CDH13: variants seen among roughly 807,000 people sequenced by gnomAD.
CDH13 encodes the protein cadherin-13.
In CDH13, 24 loss-of-function variants were observed where a neutral mutation model predicts 63.8. The ratio of observed to expected loss-of-function variants is 0.38; its 90% CI spans 0.27 to 0.53. The LOEUF is 0.53. CDH13 is among the 20% of genes least tolerant of loss of function. The pLI, the probability that CDH13 is intolerant of heterozygous loss-of-function variation, is 0.85. For synonymous variants in CDH13, 503 were observed against 355.3 expected, an observed-to-expected ratio of 1.42 and a Z score of -4.67; for missense variants, 1,049 against 903.1, an observed-to-expected ratio of 1.16 and a Z score of -2.07.
chr16:83,408,492 C>G (rs2092080320), intron 6 of CDH13, among the ~76,000 whole-genome samples: 1 of 152,018 alleles, frequency 6.6e-6, no homozygotes, highest in African/African-American at 2.4e-5. Flanking sequence ...ATACTGTAAA[C>G]AATTATAACA....
intron 4 of CDH13, among the ~76,000 whole-genome samples, chr16:83,146,781 A>T (rs535658339): frequency 1.3e-5 from 2 of 152,334 alleles, no homozygotes; most frequent in South Asian, 4.1e-4. Flanking sequence ...TGTTCAAAGT[A>T]TTATTTTAAA....
chr16:83,052,978 C>T (rs1040005545), intron 3 of CDH13, among the ~76,000 whole-genome samples: 3 of 151,938 alleles, frequency 2.0e-5, no homozygotes, highest in African/African-American at 7.3e-5. Flanking sequence ...GTGAAAGAGG[C>T]AATGCAGTGA....
intron 1 of CDH13, among the ~76,000 whole-genome samples, chr16:82,677,993 T>G (rs2150956058): frequency 6.6e-6 from 1 of 152,320 alleles, no homozygotes; most frequent in Admixed American, 6.5e-5. Flanking sequence ...GTTGCAAATC[T>G]AGCATAATTT....
intron 11 of CDH13, among the ~76,000 whole-genome samples, chr16:83,770,130 C>A (rs1331448253): frequency 6.6e-6 from 1 of 152,130 alleles, no homozygotes; most frequent in Non-Finnish European, 1.5e-5. Context: ...GCCAGGAGAA[C>A]CACGCGTGGC....
At chr16:82,978,629 C>A (rs1909847724) in intron 2 of CDH13, among the ~76,000 whole-genome samples, 1 of 152,252 alleles carries the variant, frequency 6.6e-6, no homozygotes, top group Non-Finnish European at 1.5e-5. Flanking sequence ...GTTGAGCCTG[C>A]AGGTACACAG....
At position 82,809,313 on chromosome 16, in the gene CDH13, CAA is replaced by C. The variant is rs34233977; in HGVS notation, c.46-49038_46-49037del. Among the ~76,000 whole-genome samples, 71 of 149,256 alleles carry C rather than the reference CAA, an allele frequency of 4.8e-4. 1 individual carries two copies. The highest frequency in any genetic ancestry group is 4.5e-3 in the East Asian group (23 of 5,124). The stretch of plus-strand genomic sequence containing the variant: ...GACCACCTCTCAAGTTATTTACGTC[CAA>C]AAAAAAAAAATCACTGTAAATGAAA... On this transcript the variant is annotated intron_variant, in intron 1 of 13. Transcript: ENST00000567109.
intron 8 of CDH13, among the ~76,000 whole-genome samples, chr16:83,644,591 C>A (rs1250739089): frequency 6.6e-6 from 1 of 152,198 alleles, no homozygotes; most frequent in Non-Finnish European, 1.5e-5. Context: ...TTTGTCATCC[C>A]TCAGTTACGC....
intron 2 of CDH13, among the ~76,000 whole-genome samples, chr16:82,977,091 C>T (rs925423272): frequency 2.0e-5 from 3 of 152,194 alleles, no homozygotes; most frequent in African/African-American, 4.8e-5. Flanking sequence ...CTCTGGAATA[C>T]ACTTTACAAA....
At chr16:82,840,354 A>G (rs1331252796) in intron 1 of CDH13, among the ~76,000 whole-genome samples, 43 of 150,976 alleles carry the variant, frequency 2.8e-4, no homozygotes. Context: ...AAGTGGGCTA[A>G]AGAGGGAGGG....
intron 1 of CDH13, among the ~76,000 whole-genome samples, chr16:82,649,436 T>G (rs140462425): frequency 1.5e-3 from 222 of 152,256 alleles, no homozygotes; most frequent in African/African-American, 5.2e-3. Flanking sequence ...GCAGATAGTC[T>G]TAGGCAGTGA....
intron 3 of CDH13, among the ~76,000 whole-genome samples, chr16:83,054,896 T>C (rs1262388463): frequency 6.6e-6 from 1 of 152,142 alleles, no homozygotes; most frequent in African/African-American, 2.4e-5. Context: ...GTATGCATTC[T>C]GCAGTGTTCA....
intron 2 of CDH13, among the ~76,000 whole-genome samples, chr16:82,872,326 C>T (rs968529729): frequency 3.9e-5 from 6 of 152,186 alleles, no homozygotes; most frequent in Admixed American, 3.9e-4. Context: ...TGCCATATGG[C>T]CTCACTCTTC....
chr16:82,992,254 G>C (rs1244032128), intron 2 of CDH13, among the ~76,000 whole-genome samples: 1 of 152,314 alleles, frequency 6.6e-6, no homozygotes, highest in South Asian at 2.1e-4. Context: ...TTTGTGAAAT[G>C]AAGAGCTTGG....
At chr16:82,781,137 A>G (rs367776578) in intron 1 of CDH13, among the ~76,000 whole-genome samples, 1 of 152,248 alleles carries the variant, frequency 6.6e-6, no homozygotes, top group Non-Finnish European at 1.5e-5. Context: ...TCATTTCTGA[A>G]GAATAAAAGT....
intron 6 of CDH13, among the ~76,000 whole-genome samples, chr16:83,474,389 C>G (rs2151544068): frequency 6.6e-6 from 1 of 152,310 alleles, no homozygotes; most frequent in South Asian, 2.1e-4. Flanking sequence ...TGTTCAGCTT[C>G]TATCATTCCA....
Position 83,183,685 on chromosome 16 carries a change from C to T in CDH13, c.484-33660C>T, listed in dbSNP as rs143850902. On this transcript the variant is annotated intron_variant, in intron 4 of 13. Coordinates refer to ENST00000567109, the MANE Select transcript of CDH13 (RefSeq NM_001257.5). ...GATCCAGTGTCCCTCCCTGATGGGA[C>T]GGCACCTGCCATTGCTACTCAGGTG... Among the ~76,000 whole-genome samples the T allele has an allele frequency of 1.2e-3, 181 of 152,280 alleles. 1 individual carries two copies. The East Asian group carries it at 0.022, about 19-fold the overall frequency.
intron 2 of CDH13, among the ~76,000 whole-genome samples, chr16:82,984,936 A>G (rs1375141185): frequency 6.6e-6 from 1 of 152,132 alleles, no homozygotes; most frequent in Non-Finnish European, 1.5e-5. Context: ...CAGCATCTGC[A>G]ATATTCCTAC....
intron 1 of CDH13, among the ~76,000 whole-genome samples, chr16:82,722,684 G>C (rs1327241918): frequency 6.6e-6 from 1 of 152,132 alleles, no homozygotes; most frequent in African/African-American, 2.4e-5. Flanking sequence ...AGAAGGACAG[G>C]TACCTACTAC....
chr16:82,933,602 C>T (rs1187868489), intron 2 of CDH13, among the ~76,000 whole-genome samples: 1 of 152,134 alleles, frequency 6.6e-6, no homozygotes, highest in Non-Finnish European at 1.5e-5. Context: ...TTGGCATTAA[C>T]CCAAAAGTCC....
Sources: gnomAD v4.1 joint callset for allele counts (sites outside exome capture counted in the v4.1 genomes callset) on GRCh38, gnomAD v4.1.1 for gene constraint, MANE v1.5 for transcripts, NCBI Gene and HGNC (gene_info 2026-07-23, HGNC 2026-07-21) for gene names.